The following SLC8A1 variants were observed in gnomAD, a reference collection of about 807,000 sequenced individuals.
SLC8A1 encodes solute carrier family 8 member A1.
A neutral mutation model predicts 68.3 loss-of-function variants in SLC8A1; 18 were observed. The observed-to-expected ratio is 0.26, with a 90% CI of 0.18 to 0.39. SLC8A1 has a LOEUF of 0.39. SLC8A1 is among the 10% of genes least tolerant of loss of function. SLC8A1 has a pLI of 1.00. For synonymous variants in SLC8A1, 475 were observed against 415.5 expected, an observed-to-expected ratio of 1.14 and a Z score of -1.74; for missense variants, 985 against 1,156.7, an observed-to-expected ratio of 0.85 and a Z score of 2.15.
chr2:40,376,184 A>T (rs2149528066), intron 2 of SLC8A1, among the ~76,000 whole-genome samples: 1 of 152,202 alleles, frequency 6.6e-6, no homozygotes, highest in East Asian at 1.9e-4. Flanking sequence ...TTTGTGACTT[A>T]ACTGTTAACC....
At chr2:40,241,879 GTTT>G (rs60407688) in intron 2 of SLC8A1, among the ~76,000 whole-genome samples, 1 of 151,786 alleles carries the variant, frequency 6.6e-6, no homozygotes, top group Non-Finnish European at 1.5e-5. Flanking sequence ...ATAGATATCA[GTTT>G]TTTTCTTATT....
intron 2 of SLC8A1, among the ~76,000 whole-genome samples, chr2:40,279,018 G>C (rs1363908911): frequency 6.6e-6 from 1 of 152,134 alleles, no homozygotes; most frequent in African/African-American, 2.4e-5. Flanking sequence ...AGATGTGACA[G>C]CTTGATTATT....
chr2:40,134,075 T>TTG (rs1428303361), intron 7 of SLC8A1, among the ~76,000 whole-genome samples: 2 of 96,380 alleles, frequency 2.1e-5, no homozygotes, highest in Non-Finnish European at 4.1e-5. Flanking sequence ...TACCTAAAGT[T>TTG]TTTGTTTGTT....
intron 2 of SLC8A1, among the ~76,000 whole-genome samples, chr2:40,307,834 G>A (rs1356024911): frequency 6.6e-6 from 1 of 152,120 alleles, no homozygotes; most frequent in East Asian, 1.9e-4. Context: ...GAAATGGATA[G>A]TTAGTACTTA....
chr2:40,286,427 G>A (rs749366628), intron 2 of SLC8A1, among the ~76,000 whole-genome samples: 12 of 152,154 alleles, frequency 7.9e-5, no homozygotes, highest in Non-Finnish European at 1.3e-4. Flanking sequence ...CTTGAGACAT[G>A]CTTATGTTAA....
chr2:40,281,343 GTT>G, intron 2 of SLC8A1, among the ~76,000 whole-genome samples: 1 of 152,242 alleles, frequency 6.6e-6, no homozygotes, highest in East Asian at 1.9e-4. Flanking sequence ...ATTTTACATA[GTT>G]TCTGGAAAGG....
At chr2:40,488,623 G>C (rs938201543) in intron 1 of SLC8A1, among the ~76,000 whole-genome samples, 2 of 152,012 alleles carry the variant, frequency 1.3e-5, no homozygotes, top group African/African-American at 2.4e-5. Flanking sequence ...GTTGGGGGGA[G>C]AAAAAGAAAA....
intron 2 of SLC8A1, among the ~76,000 whole-genome samples, chr2:40,426,328 A>T (rs1696846807): frequency 6.6e-6 from 1 of 152,018 alleles, no homozygotes; most frequent in Non-Finnish European, 1.5e-5. Context: ...GATGGCATGA[A>T]TTATTAGCCA....
At position 40,271,577 on chromosome 2, in the gene SLC8A1, C is replaced by T. The variant is rs189443356; in HGVS notation, c.1809-93722G>A. Among the ~76,000 whole-genome samples, 6 of 152,256 alleles carry T rather than the reference C, an allele frequency of 3.9e-5. No homozygotes were observed. The South Asian group carries it at 6.2e-4, about 16-fold the overall frequency. On this transcript the variant is annotated intron_variant, in intron 2 of 7. Coordinates refer to ENST00000406785, the Ensembl canonical transcript of SLC8A1. The stretch of plus-strand genomic sequence containing the variant: ...CATTGATTTGTTTGCCTATTTTCCA[C>T]GTTGATTATTTGTCTCTGCCACTAG...
Position 40,352,242 on chromosome 2 carries a change from C to G in SLC8A1, c.1808+76231G>C, listed in dbSNP as rs80203419. 4.3e-3 allele frequency among the ~76,000 whole-genome samples: 652 copies of G among 152,202 alleles called. 4 individuals are homozygous for G. The highest frequency in any genetic ancestry group is 0.029 in the East Asian group (151 of 5,166). On this transcript the variant is annotated intron_variant, in intron 2 of 7. Coordinates refer to ENST00000406785, the Ensembl canonical transcript of SLC8A1. ...GTGAACAATTCAATTTAGGAATATACTCATTTAGGGAATTAAAAAAGCAGA... is the reference window on the plus strand; with the variant it reads ...GTGAACAATTCAATTTAGGAATATAGTCATTTAGGGAATTAAAAAAGCAGA...
At chr2:40,125,215 A>T (rs1343988895) in intron 7 of SLC8A1, among the ~76,000 whole-genome samples, 1 of 152,172 alleles carries the variant, frequency 6.6e-6, no homozygotes, top group East Asian at 1.9e-4. Flanking sequence ...TAATTATGTT[A>T]GACAAATCCT....
chr2:40,303,720 G>A (rs1029943675), intron 2 of SLC8A1, among the ~76,000 whole-genome samples: 1 of 152,164 alleles, frequency 6.6e-6, no homozygotes, highest in Non-Finnish European at 1.5e-5. Context: ...AATCCTTGGT[G>A]ATTTCCCACA....
intron 2 of SLC8A1, among the ~76,000 whole-genome samples, chr2:40,367,303 T>C (rs1459816599): frequency 6.6e-6 from 1 of 152,038 alleles, no homozygotes; most frequent in Non-Finnish European, 1.5e-5. Context: ...TCTGCCTGTG[T>C]TCCCTAGTCA....
intron 2 of SLC8A1, among the ~76,000 whole-genome samples, chr2:40,282,023 T>C (rs1432584834): frequency 6.6e-6 from 1 of 152,182 alleles, no homozygotes; most frequent in African/African-American, 2.4e-5. Context: ...CTTCTATCCC[T>C]TCAGCACAGC....
At chr2:40,394,850 CAA>C (rs1419343894) in intron 2 of SLC8A1, among the ~76,000 whole-genome samples, 1 of 152,102 alleles carries the variant, frequency 6.6e-6, no homozygotes, top group African/African-American at 2.4e-5. Flanking sequence ...GTCATTTGTG[CAA>C]AGACTCCCAG....
chr2:40,156,584 C>T (rs1350579305), intron 6 of SLC8A1, among the ~76,000 whole-genome samples: 1 of 151,784 alleles, frequency 6.6e-6, no homozygotes, highest in Non-Finnish European at 1.5e-5. Context: ...CCTAGGAAAA[C>T]AAATTCTTCC....
intron 2 of SLC8A1, among the ~76,000 whole-genome samples, chr2:40,201,926 G>C (rs187023370): frequency 3.4e-4 from 52 of 152,030 alleles, no homozygotes; most frequent in Admixed American, 2.9e-3. Flanking sequence ...ATATCTATGT[G>C]CCTCTTTGCA....
intron 2 of SLC8A1, among the ~76,000 whole-genome samples, chr2:40,389,235 T>C (rs1243880997): frequency 6.6e-6 from 1 of 152,094 alleles, no homozygotes; most frequent in East Asian, 1.9e-4. Context: ...AATAGTTGGC[T>C]GTATAGAAAG....
At chr2:40,305,471 G>C (rs906636393) in intron 2 of SLC8A1, among the ~76,000 whole-genome samples, 5 of 152,178 alleles carry the variant, frequency 3.3e-5, no homozygotes, top group Non-Finnish European at 5.9e-5. Context: ...TATAGGGAGG[G>C]AGACAAATAT....
Sources: allele counts gnomAD v4.1 joint callset (sites outside exome capture counted in the v4.1 genomes callset), GRCh38; gene constraint gnomAD v4.1.1; transcripts MANE v1.5; gene names NCBI Gene and HGNC (gene_info 2026-07-23, HGNC 2026-07-21).